Variants in AJAP1 observed in about 807,000 individuals in gnomAD.
AJAP1 encodes the protein adherens junctions associated protein 1.
A neutral mutation model predicts 35.0 loss-of-function variants in AJAP1; 5 were observed. The observed-to-expected ratio is 0.14, with a 90% confidence interval of 0.07 to 0.30. AJAP1 has a LOEUF of 0.30. Among genes scored for constraint, AJAP1 ranks in the 10% least tolerant of loss-of-function variants. The pLI, the probability that AJAP1 is intolerant of heterozygous loss-of-function variation, is 1.00. For missense variants in AJAP1, 586 were observed against 571.0 expected, an observed-to-expected ratio of 1.03 and a Z score of -0.27; for synonymous variants, 284 against 249.3, an observed-to-expected ratio of 1.14 and a Z score of -1.31.
At chr1:4,698,627 A>G (rs1433034142) in intron 1 of AJAP1, among the ~76,000 whole-genome samples, 2 of 152,108 alleles carry the variant, frequency 1.3e-5, no homozygotes. Context: ...TCCCCTGGCC[A>G]CCTGAGGAGT....
intron 1 of AJAP1, among the ~76,000 whole-genome samples, chr1:4,680,106 C>G (rs959222818): frequency 3.3e-5 from 5 of 152,168 alleles, no homozygotes; most frequent in Admixed American, 2.6e-4. Context: ...TCAAAGCAGT[C>G]AGGCAGAGAG....
At position 4,753,075 on chromosome 1, in the gene AJAP1, TCTTCTC is replaced by T. The variant is rs377005695; in HGVS notation, c.830-16772_830-16767del. ...TGCCAACCAGAGAGCCTACCATGAA[TCTTCTC>T]CTTCTTTTACGGCGTTTTATATCAT... On this transcript the variant is annotated intron_variant, in intron 2 of 5. Transcript: ENST00000378191. Among the ~76,000 whole-genome samples, 436 of 114,156 alleles carry T rather than the reference TCTTCTC, an allele frequency of 3.8e-3. 2 individuals are homozygous for T. Among genetic ancestry groups the T allele is most frequent in the African/African-American group, 0.017 (417 of 24,758 alleles). 74.9% of individuals were successfully genotyped at this position (114,156 alleles called of 152,430 possible).
intron 2 of AJAP1, among the ~76,000 whole-genome samples, chr1:4,741,071 G>A (rs2100316781): frequency 6.6e-6 from 1 of 152,188 alleles, no homozygotes; most frequent in African/African-American, 2.4e-5. Flanking sequence ...GGACATGAGA[G>A]CAGGGAGGGG....
chr1:4,703,007 T>A (rs1041299208), intron 1 of AJAP1, among the ~76,000 whole-genome samples: 8 of 152,316 alleles, frequency 5.3e-5, no homozygotes, highest in African/African-American at 1.9e-4. Flanking sequence ...GAGTCATCTT[T>A]ACGCTACTGC....
At chr1:4,743,905 G>A (rs929120099) in intron 2 of AJAP1, among the ~76,000 whole-genome samples, 1 of 148,660 alleles carries the variant, frequency 6.7e-6, no homozygotes, top group Non-Finnish European at 1.5e-5. Flanking sequence ...GTGGGGCCAC[G>A]GCACCCTGGA....
At chr1:4,667,824 G>T (rs1639164569) in intron 1 of AJAP1, among the ~76,000 whole-genome samples, 1 of 152,194 alleles carries the variant, frequency 6.6e-6, no homozygotes, top group Non-Finnish European at 1.5e-5. Context: ...GAGCCCCTGA[G>T]ACACAAGGCA....
intron 2 of AJAP1, among the ~76,000 whole-genome samples, chr1:4,726,805 T>C (rs1342411302): frequency 1.3e-5 from 2 of 152,164 alleles, no homozygotes; most frequent in African/African-American, 4.8e-5. Context: ...GGCCGGCTGC[T>C]GAGCTCGGGC....
chr1:4,716,640 G>A (rs1308779065), intron 2 of AJAP1, among the ~76,000 whole-genome samples: 1 of 152,002 alleles, frequency 6.6e-6, no homozygotes, highest in Non-Finnish European at 1.5e-5. Flanking sequence ...TGGTGATGAT[G>A]ATGGTGTTGA....
rs531448493 is a variant in AJAP1, at chr1:4,688,547, C to T, written c.30-23353C>T. ...TGGCACTTTGGGAGGCCGAGGCAGG[C>T]GGATCACCTAAGGTCAGGAGTTCGA... On this transcript the variant is annotated intron_variant, in intron 1 of 5. Transcript: ENST00000378191. Among the ~76,000 whole-genome samples the T allele has an allele frequency of 1.4e-3, 216 of 152,044 alleles. 1 individual carries two copies. The highest frequency in any genetic ancestry group is 4.9e-3 in the African/African-American group (205 of 41,476).
rs1409389439 is a variant in AJAP1 at position 4,655,384 on chromosome 1, T to C, written c.-42T>C. 1 of 1,528,186 alleles carries C rather than the reference T, an allele frequency of 6.5e-7. No homozygotes were observed. The highest frequency in any genetic ancestry group is 1.9e-5 in the Admixed American group (1 of 51,292). 94.7% of individuals were successfully genotyped at this position (1,528,186 alleles called of 1,614,324 possible). On this transcript the variant is annotated 5_prime_UTR_variant, in exon 1 of 6. Transcript: ENST00000378191. The surrounding 1 kb of genome is among the most constrained non-coding windows in gnomAD (Gnocchi z 6.9). ...GGGCGCGGGCGCCGCGCAGATGGCCTGGGCGAGCCAGGTCTGAGGCCCCGC... is the reference window on the plus strand; with the variant it reads ...GGGCGCGGGCGCCGCGCAGATGGCCCGGGCGAGCCAGGTCTGAGGCCCCGC...
intron 2 of AJAP1, among the ~76,000 whole-genome samples, chr1:4,739,719 T>G (rs557307482): frequency 5.3e-5 from 8 of 152,126 alleles, no homozygotes; most frequent in Non-Finnish European, 1.0e-4. Flanking sequence ...TGTTTTTGGT[T>G]GTTGTTTTTT....
At chr1:4,707,342 G>C (rs1443522435) in intron 1 of AJAP1, among the ~76,000 whole-genome samples, 1 of 152,120 alleles carries the variant, frequency 6.6e-6, no homozygotes, top group Admixed American at 6.5e-5. Flanking sequence ...GTTTTGTATA[G>C]GCATAGAGTT....
chr1:4,739,152 T>C (rs1333232211), intron 2 of AJAP1, among the ~76,000 whole-genome samples: 1 of 152,196 alleles, frequency 6.6e-6, no homozygotes, highest in Non-Finnish European at 1.5e-5. Context: ...CAAACACATG[T>C]GGGAGAGTCT....
In AJAP1 at chr1:4,719,803, AAAG is replaced by A. The variant is rs369344803; in HGVS notation, c.829+7110_829+7112del. On this transcript the variant is annotated intron_variant, in intron 2 of 5. Coordinates refer to ENST00000378191, the MANE Select transcript of AJAP1 (RefSeq NM_018836.4). ...CCCCTTCCCCGACTTGTCATCAGTG[AAAG>A]AAGAATGCTGGAGAGGTGCGCCCCT... 5.8e-4 allele frequency among the ~76,000 whole-genome samples: 88 copies of A among 152,186 alleles called. 1 individual carries two copies. Among genetic ancestry groups the A allele is most frequent in the African/African-American group, 1.7e-3 (69 of 41,442 alleles).
intron 2 of AJAP1, among the ~76,000 whole-genome samples, chr1:4,759,995 G>A (rs1161179327): frequency 2.6e-5 from 4 of 152,148 alleles, no homozygotes; most frequent in African/African-American, 4.8e-5. Context: ...AGCATGCAGC[G>A]AGGCCGACTT....
intron 2 of AJAP1, among the ~76,000 whole-genome samples, chr1:4,763,541 A>G (rs1199400275): frequency 1.3e-5 from 2 of 152,142 alleles, no homozygotes; most frequent in Admixed American, 6.5e-5. Flanking sequence ...CTGGTAAAGC[A>G]TGGTTTCTGG....
chr1:4,707,389 G>A (rs1040134927), intron 1 of AJAP1, among the ~76,000 whole-genome samples: 9 of 151,794 alleles, frequency 5.9e-5, no homozygotes, highest in Admixed American at 2.6e-4. Flanking sequence ...AGAATATTTC[G>A]TCACCCCATA....
At chr1:4,682,952 A>G (rs1041687860) in intron 1 of AJAP1, among the ~76,000 whole-genome samples, 3 of 152,208 alleles carry the variant, frequency 2.0e-5, no homozygotes, top group Admixed American at 1.3e-4. Flanking sequence ...GATTATTCCA[A>G]AAGGAGTAAG....
rs1233604174 is a variant in AJAP1 at position 4,656,028 on chromosome 1, C to G, written c.29+574C>G. On this transcript the variant is annotated intron_variant, in intron 1 of 5. Transcript: ENST00000378191. This position sits in a 1 kb window ranked among gnomAD's most constrained non-coding sequence, Gnocchi z 5.7. Reference sequence around the variant, plus strand: ...GCTGTTTGCGGGTGACCTCCGGGCCCGACGGGCGCTCACAGCTGGCGGGCA... The same window carrying G: ...GCTGTTTGCGGGTGACCTCCGGGCCGGACGGGCGCTCACAGCTGGCGGGCA... Among the ~76,000 whole-genome samples the G allele has an allele frequency of 5.9e-5, 9 of 152,026 alleles. No homozygotes were observed. The East Asian group carries it at 1.6e-3, about 26-fold the overall frequency.
Sources: gnomAD v4.1 joint callset for allele counts (sites outside exome capture counted in the v4.1 genomes callset) on GRCh38, gnomAD v4.1.1 for gene constraint, Gnocchi (gnomAD v3.1) non-coding constraint, MANE v1.5 for transcripts, NCBI Gene and HGNC (gene_info 2026-07-23, HGNC 2026-07-21) for gene names.